Variants in POTEF observed in about 807,000 individuals in gnomAD.
The protein encoded by POTEF is POTE ankyrin domain family member F, also known as ANKRD26-like family C member 1B.
A neutral mutation model predicts 83.2 loss-of-function variants in POTEF; 20 were observed. The ratio of observed to expected loss-of-function variants is 0.24; its 90% CI spans 0.17 to 0.35. The LOEUF is 0.35. Among genes scored for constraint, POTEF ranks in the 10% least tolerant of loss-of-function variants. The probability of loss-of-function intolerance (pLI) is 1.00; values close to 1 mark genes in which losing one functional copy is unlikely to be tolerated. For synonymous variants in POTEF, 196 were observed against 446.4 expected (o/e 0.44, Z 7.07); for missense variants, 550 against 1,203.2 (o/e 0.46, Z 8.03).
chr2:130,108,158 G>A, intron 7 of POTEF, 79 bp from the exon 8 acceptor site: 1 of 1,498,854 alleles, frequency 6.7e-7, no homozygotes, highest in South Asian at 1.2e-5. Context: ...GAATTATTAA[G>A]AGTATTTCAA....
At chr2:130,102,557 T>TG (rs1172873072) in intron 8 of POTEF, among the ~76,000 whole-genome samples, 1 of 147,890 alleles carries the variant, frequency 6.8e-6, no homozygotes, top group East Asian at 2.0e-4. Context: ...TTAGCTAGTC[T>TG]GACTCTAAGG....
intron 3 of POTEF, among the ~76,000 whole-genome samples, chr2:130,119,624 G>A (rs1206284900): frequency 6.6e-6 from 1 of 151,800 alleles, no homozygotes; most frequent in African/African-American, 2.4e-5. Flanking sequence ...TAGCCCTGAA[G>A]TTGATGTGTT....
At chr2:130,116,297 T>C (rs1156665295) in intron 3 of POTEF, among the ~76,000 whole-genome samples, 2 of 151,244 alleles carry the variant, frequency 1.3e-5, no homozygotes, top group Non-Finnish European at 2.9e-5. Flanking sequence ...AAGACTGTTA[T>C]AAATTTTCTC....
At chr2:130,115,124 A>T (rs1243765050) in intron 4 of POTEF, 70 bp from the exon 5 acceptor site, 2 of 1,609,098 alleles carry the variant, frequency 1.2e-6, no homozygotes, top group Admixed American at 3.4e-5. Context: ...AGCTTTCACC[A>T]ACTAGTTATA....
At chr2:130,111,573 CAA>C (rs777784166) in intron 6 of POTEF, among the ~76,000 whole-genome samples, 6 of 151,574 alleles carry the variant, frequency 4.0e-5, no homozygotes, top group African/African-American at 1.5e-4. Context: ...ATTAAAAAGA[CAA>C]AAGGATTTTC....
intron 2 of POTEF, among the ~76,000 whole-genome samples, chr2:130,122,329 TGA>T (rs1428881230): frequency 6.7e-6 from 1 of 149,774 alleles, no homozygotes; most frequent in Non-Finnish European, 1.5e-5. Context: ...GTGAATTTAC[TGA>T]GTCATGTGGT....
intron 3 of POTEF, among the ~76,000 whole-genome samples, chr2:130,117,533 G>A (rs2104824251): frequency 6.6e-6 from 1 of 152,106 alleles, no homozygotes; most frequent in Middle Eastern, 3.4e-3. Context: ...GCTAACACGA[G>A]CAGATTCTGT....
intron 8 of POTEF, among the ~76,000 whole-genome samples, chr2:130,104,581 T>C (rs1684464337): frequency 6.6e-6 from 1 of 151,642 alleles, no homozygotes; most frequent in South Asian, 2.1e-4. Flanking sequence ...AATGATTTTT[T>C]AGAAGTCAGA....
intron 2 of POTEF, among the ~76,000 whole-genome samples, chr2:130,126,402 A>G (rs1685094428): frequency 6.6e-6 from 1 of 152,086 alleles, no homozygotes; most frequent in African/African-American, 2.4e-5. Context: ...ATTAGAACTT[A>G]CCCCGTGACT....
In POTEF at chr2:130,105,971, G is replaced by C. The variant is rs548456887; in HGVS notation, c.1126+2038C>G. Among the ~76,000 whole-genome samples, 261 of 151,024 alleles carry C rather than the reference G, an allele frequency of 1.7e-3. 7 individuals carry two copies. Among genetic ancestry groups the C allele is most frequent in the African/African-American group, 6.1e-3 (248 of 40,506 alleles). On this transcript the variant is annotated intron_variant, in intron 8 of 16. Coordinates refer to ENST00000409914, the MANE Select transcript of POTEF (RefSeq NM_001099771.2). ...GTGCCTGGTTTGGGAATGAGCATGT[G>C]GTGTGACCCAGCCAGTGAAATGTTA... is the stretch of plus-strand genomic sequence containing the variant.
chr2:130,113,686 T>C (rs1345956531), intron 5 of POTEF, among the ~76,000 whole-genome samples: 1 of 145,836 alleles, frequency 6.9e-6, no homozygotes, highest in Non-Finnish European at 1.5e-5. Context: ...TTTTCAAATA[T>C]ACATATCCAG....
Position 130,120,216 on chromosome 2 carries a change from C to A in POTEF, c.300G>T (p.Lys100Asn). ...AGCAGGGGAAGCAGTGGCAGCACCACTTGCCCATCTTGTTCCTGAGTGTCT... is the reference window on the plus strand; with the variant it reads ...AGCAGGGGAAGCAGTGGCAGCACCAATTGCCCATCTTGTTCCTGAGTGTCT... Reference protein sequence around the residue: ...AMKTLRNKMGKWCCHCFPCCR... With the variant: ...AMKTLRNKMGNWCCHCFPCCR... The change falls in exon 3 of 17, where the codon AAG (lysine) becomes AAT (asparagine). Residue 100 changes from lysine to asparagine, a missense_variant. Lys to Asn is a moderately conservative substitution (Grantham distance 94, BLOSUM62 0). Transcript: ENST00000409914. The A allele has an allele frequency of 6.3e-7, 1 of 1,597,908 alleles. No individual in the cohort carries two copies. Among genetic ancestry groups the A allele is most frequent in the South Asian group, 1.1e-5 (1 of 89,964 alleles).
chr2:130,103,694 A>C (rs1188381853), intron 8 of POTEF, among the ~76,000 whole-genome samples: 1 of 150,826 alleles, frequency 6.6e-6, no homozygotes, highest in Admixed American at 6.6e-5. Flanking sequence ...AAAATAAAGC[A>C]TGTCAGGGAT....
At position 130,075,190 on chromosome 2, in the gene POTEF, T is replaced by C. The variant is rs1202224839; in HGVS notation, c.2282A>G (p.Lys761Arg). 3 of 1,612,840 alleles carry C rather than the reference T, an allele frequency of 1.9e-6. No individual in the cohort carries two copies. The highest frequency in any genetic ancestry group is 1.3e-5 in the African/African-American group (1 of 74,620). Residue 761 changes from lysine to arginine, a missense_variant, in exon 17 of 17, where the codon AAA (lysine) becomes AGA (arginine). By Grantham distance (26) the Lys-to-Arg change is conservative (BLOSUM62 2). Transcript: ENST00000409914. ...ESYVGKEAQSKRGILTLKYPM... is the reference protein window; with the variant it reads ...ESYVGKEAQSRRGILTLKYPM... ...GTACTTCAGGGTCAGGATGCCTCTT[T>C]TGCTCTGGGCCTCCTTGCCCACATA... is the stretch of plus-strand genomic sequence containing the variant.
intron 3 of POTEF, among the ~76,000 whole-genome samples, chr2:130,119,449 C>A (rs1342841486): frequency 6.6e-6 from 1 of 151,710 alleles, no homozygotes; most frequent in Non-Finnish European, 1.5e-5. Context: ...CGTGAGCCAC[C>A]GCGCCCAGCC....
chr2:130,103,853 T>C (rs1362727849), intron 8 of POTEF, among the ~76,000 whole-genome samples: 2 of 138,600 alleles, frequency 1.4e-5, no homozygotes, highest in Admixed American at 1.5e-4. Context: ...TTGCCTACAA[T>C]AGGAGGATGA....
In POTEF at chr2:130,110,047, C is replaced by T. The variant is rs543175472; in HGVS notation, c.1055+496G>A. ...AAAGCAGCAACAGAATCAACGGAAA[C>T]AACAGAATGATTGCAATGTCTTTTT... On this transcript the variant is annotated intron_variant, in intron 7 of 16. Coordinates refer to ENST00000409914, the MANE Select transcript of POTEF (RefSeq NM_001099771.2). Among the ~76,000 whole-genome samples, 10 of 151,564 alleles carry T rather than the reference C, an allele frequency of 6.6e-5. No homozygotes were observed. The East Asian group carries it at 1.2e-3, about 18-fold the overall frequency.
At chr2:130,101,674 G>A (rs1684378313) in intron 9 of POTEF, among the ~76,000 whole-genome samples, 1 of 144,466 alleles carries the variant, frequency 6.9e-6, no homozygotes, top group South Asian at 2.2e-4. Context: ...GAGTTACATT[G>A]TTCATAATTC....
chr2:130,128,568 C>T (rs1207806360), intron 1 of POTEF, among the ~76,000 whole-genome samples: 2 of 141,818 alleles, frequency 1.4e-5, no homozygotes, highest in Admixed American at 1.4e-4. Flanking sequence ...ACCACCCCCT[C>T]CACAGGCAGT....
Sources: allele counts gnomAD v4.1 joint callset (sites outside exome capture counted in the v4.1 genomes callset), GRCh38; gene constraint gnomAD v4.1.1; transcripts MANE v1.5; gene names NCBI Gene and HGNC (gene_info 2026-07-23, HGNC 2026-07-21).